Variants in ITIH2 observed in about 807,000 individuals in gnomAD.
ITIH2 encodes the protein inter-alpha-trypsin inhibitor heavy chain H2.
ITIH2 carries 103 observed loss-of-function variants against 104.4 expected under a neutral mutation model. The observed-to-expected ratio is 0.99, with a 90% CI of 0.84 to 1.16. The LOEUF (loss-of-function observed/expected upper bound fraction) is 1.16. Ranked by LOEUF, ITIH2 falls within the 50% of genes most tolerant of loss-of-function variation. The pLI is 0.00. For synonymous variants in ITIH2, 436 were observed against 435.4 expected (o/e 1.00, Z -0.02); for missense variants, 1,108 against 1,162.4 (o/e 0.95, Z 0.68).
intron 20 of ITIH2, 87 bp downstream of exon 20, chr10:7,746,791 G>GCCTACGACACTTC: frequency 1.3e-6 from 1 of 790,336 alleles, no homozygotes; most frequent in Non-Finnish European, 2.2e-6. Context: ...AAGAAGAAGT[G>GCCTACGACACTTC]TCGTAGGCAC....
intron 17 of ITIH2, 49 bp from the exon 18 acceptor site, chr10:7,744,033 C>A: frequency 6.9e-7 from 1 of 1,454,810 alleles, no homozygotes; most frequent in Admixed American, 1.9e-5. Flanking sequence ...CCCACACATG[C>A]AAAATAAATG....
chr10:7,718,044 A>ACGC (rs1393874314), intron 6 of ITIH2, among the ~76,000 whole-genome samples: 1 of 152,128 alleles, frequency 6.6e-6, no homozygotes, highest in Non-Finnish European at 1.5e-5. Flanking sequence ...CCACAGCTTA[A>ACGC]CACAACAGAA....
Position 7,744,064 on chromosome 10 carries a change from T to C in ITIH2, c.2210-18T>C. The C allele has an allele frequency of 6.2e-7, 1 of 1,600,748 alleles. No individual in the cohort carries two copies. Among genetic ancestry groups the C allele is most frequent in the African/African-American group, 1.3e-5 (1 of 74,614 alleles). ...AAATGGCACAGAAGAGAAAACATCA[T>C]TTTTTTCTTTCCTGTAGGAATTGTA... On this transcript the variant is annotated intron_variant, in intron 17 of 20. Transcript: ENST00000358415.
Position 7,708,671 on chromosome 10 carries a change from G to A in ITIH2, c.193-351G>A, listed in dbSNP as rs115580442. ...TCCAGTATCCTCTCCCCAGCTGATG[G>A]TCTTGCATTTGGAGTTATTACCTGG... On this transcript the variant is annotated intron_variant, in intron 3 of 20. Transcript: ENST00000358415. 3.4e-3 allele frequency among the ~76,000 whole-genome samples: 517 copies of A among 152,138 alleles called. 6 individuals are homozygous for A. Among genetic ancestry groups the A allele is most frequent in the African/African-American group, 0.012 (500 of 41,492 alleles).
chr10:7,743,961 T>A, intron 17 of ITIH2, 121 bp from the exon 18 acceptor site: 1 of 591,896 alleles, frequency 1.7e-6, no homozygotes, highest in South Asian at 3.2e-5. Flanking sequence ...AATGTAAATC[T>A]TGAAGCAAAA....
At chr10:7,719,385 C>T (rs1298637679) in intron 6 of ITIH2, among the ~76,000 whole-genome samples, 4 of 152,196 alleles carry the variant, frequency 2.6e-5, no homozygotes, top group African/African-American at 7.2e-5. Context: ...TGTTGTTGGA[C>T]ATTTTTCCAC....
intron 20 of ITIH2, among the ~76,000 whole-genome samples, 164 bp from the exon 21 acceptor site, chr10:7,749,023 C>G (rs1311114511): frequency 1.3e-5 from 2 of 152,152 alleles, no homozygotes; most frequent in African/African-American, 4.8e-5. Flanking sequence ...CAACACCAAG[C>G]CCCAGACTTG....
rs368912521 is a variant in ITIH2, at chr10:7,727,814, G to A, written c.1265G>A (p.Gly422Glu). ...TCGCTGATCATTTTGGTTTCTGATGGAGATCCAACAGTGGGCAAGTGTCAC... is the reference window on the plus strand; with the variant it reads ...TCGCTGATCATTTTGGTTTCTGATGAAGATCCAACAGTGGGCAAGTGTCAC... ...SVSLIILVSD[G>E]DPTVGELKLS... Residue 422 changes from glycine to glutamate, a missense_variant, in exon 11 of 21, where the codon GGA becomes GAA. Coordinates refer to ENST00000358415, the MANE Select transcript of ITIH2 (RefSeq NM_002216.3). 8.9e-5 allele frequency: 144 copies of A among 1,614,032 alleles called. No homozygotes were observed. Among genetic ancestry groups the A allele is most frequent in the Non-Finnish European group, 1.2e-4 (139 of 1,180,002 alleles).
At chr10:7,738,512 A>T in intron 15 of ITIH2, 109 bp from the exon 16 acceptor site, 56 of 1,212,232 alleles carry the variant, frequency 4.6e-5, no homozygotes, top group Non-Finnish European at 6.0e-5. Context: ...GAGGAGAAAA[A>T]CCTAAGCTGA....
intron 19 of ITIH2, among the ~76,000 whole-genome samples, chr10:7,746,382 A>T (rs1414228929): frequency 6.6e-6 from 1 of 152,018 alleles, no homozygotes; most frequent in Non-Finnish European, 1.5e-5. Context: ...CTCAAATTAA[A>T]AAAATAAAAA....
Position 7,745,858 on chromosome 10 carries a change from G to A in ITIH2, c.2582-735G>A, listed in dbSNP as rs113895464. Among the ~76,000 whole-genome samples the A allele has an allele frequency of 3.3e-3, 495 of 151,318 alleles. 6 individuals carry two copies. Among genetic ancestry groups the A allele is most frequent in the African/African-American group, 0.011 (474 of 41,424 alleles). ...CAACCGCTGCCTCCCCGGTTCATGC[G>A]ATTCTCTTCCCTCAGCCTCCCGAGT... On this transcript the variant is annotated intron_variant, in intron 19 of 20. Coordinates refer to ENST00000358415, the MANE Select transcript of ITIH2 (RefSeq NM_002216.3).
At chr10:7,705,225 G>A (rs1348237008) in intron 2 of ITIH2, 43 bp downstream of exon 2, 16 of 1,313,732 alleles carry the variant, frequency 1.2e-5, no homozygotes, top group Non-Finnish European at 1.5e-5. Flanking sequence ...AAAAGTGAAA[G>A]AGATTATGGC....
chr10:7,727,989 C>T (rs1298976704), intron 11 of ITIH2, among the ~76,000 whole-genome samples, 161 bp downstream of exon 11: 5 of 152,182 alleles, frequency 3.3e-5, no homozygotes, highest in Non-Finnish European at 7.3e-5. Flanking sequence ...CAGCCCTCAC[C>T]CCTTAAGCTA....
intron 6 of ITIH2, among the ~76,000 whole-genome samples, 158 bp downstream of exon 6, chr10:7,717,946 G>A (rs568630626): frequency 6.6e-6 from 1 of 152,226 alleles, no homozygotes; most frequent in South Asian, 2.1e-4. Flanking sequence ...TTTGGAGTCA[G>A]CCACACCACT....
chr10:7,738,439 T>A (rs991893901), intron 15 of ITIH2, among the ~76,000 whole-genome samples, 182 bp from the exon 16 acceptor site: 90 of 150,250 alleles, frequency 6.0e-4, no homozygotes, highest in African/African-American at 2.1e-3. Flanking sequence ...GAGAACTGTA[T>A]CACAGGCCTC....
At chr10:7,741,473 T>C (rs1835123900) in intron 16 of ITIH2, among the ~76,000 whole-genome samples, 1 of 152,180 alleles carries the variant, frequency 6.6e-6, no homozygotes, top group Admixed American at 6.5e-5. Flanking sequence ...CCACCGCACC[T>C]GGCCTGTTCT....
At chr10:7,741,643 T>G (rs565707765) in intron 16 of ITIH2, among the ~76,000 whole-genome samples, 1 of 152,318 alleles carries the variant, frequency 6.6e-6, no homozygotes, top group South Asian at 2.1e-4. Context: ...CTCTGCAAAC[T>G]TTTAGTAACA....
chr10:7,734,039 GT>G (rs1356856073), intron 14 of ITIH2, among the ~76,000 whole-genome samples: 1 of 152,032 alleles, frequency 6.6e-6, no homozygotes, highest in Non-Finnish European at 1.5e-5. Context: ...AAGATCAGCA[GT>G]TGCTAAAGGT....
Position 7,749,181 on chromosome 10 carries a change from T to C in ITIH2, c.2694-6T>C, listed in dbSNP as rs771125900. ...CCCCCTAACCACATGCCTTGCTTCCTTGCAGGGGCTTACAGAAAGACTACA... is the reference window on the plus strand; with the variant it reads ...CCCCCTAACCACATGCCTTGCTTCCCTGCAGGGGCTTACAGAAAGACTACA... On this transcript the variant is annotated splice_polypyrimidine_tract_variant and splice_region_variant and intron_variant, in intron 20 of 20. Transcript: ENST00000358415. The C allele has an allele frequency of 1.9e-6, 3 of 1,613,976 alleles. No individual in the cohort carries two copies. Among genetic ancestry groups the C allele is most frequent in the Admixed American group, 1.7e-5 (1 of 59,986 alleles).
Sources: gnomAD v4.1 joint callset for allele counts (sites outside exome capture counted in the v4.1 genomes callset) on GRCh38, gnomAD v4.1.1 for gene constraint, MANE v1.5 for transcripts, NCBI Gene and HGNC (gene_info 2026-07-23, HGNC 2026-07-21) for gene names.